PRKD2: variants seen among roughly 807,000 people sequenced by gnomAD.
PRKD2 encodes serine/threonine-protein kinase D2.
A neutral mutation model predicts 86.0 loss-of-function variants in PRKD2; 22 were observed. That is an observed-to-expected ratio of 0.26 (90% CI 0.18 to 0.37). PRKD2 has a LOEUF of 0.37. Ranked by LOEUF, PRKD2 falls within the 10% of genes least tolerant of loss-of-function variation. The pLI is 1.00. For synonymous variants in PRKD2, 509 were observed against 510.9 expected (o/e 1.00, Z 0.05); for missense variants, 818 against 1,199.2 (o/e 0.68, Z 4.70).
At position 46,716,589 on chromosome 19, in the gene PRKD2, C is replaced by T. The variant is rs1220562759; in HGVS notation, c.-219G>A. 1.7e-5 allele frequency: 7 copies of T among 405,624 alleles called. No individual in the cohort carries two copies. The highest frequency in any genetic ancestry group is 3.0e-5 in the Non-Finnish European group (7 of 229,542). 25.1% of individuals were successfully genotyped at this position (405,624 alleles called of 1,614,324 possible). On this transcript the variant is annotated 5_prime_UTR_variant, in exon 1 of 18. Transcript: ENST00000291281. This position sits in a 1 kb window ranked among gnomAD's most constrained non-coding sequence, Gnocchi z 7.9. ...GGTCAGAGGCCCGGAATCCAGGGCTCCCAGAAGATCAGAAAGGAGAAAAGT... is the reference window on the plus strand; with the variant it reads ...GGTCAGAGGCCCGGAATCCAGGGCTTCCAGAAGATCAGAAAGGAGAAAAGT...
In PRKD2 at chr19:46,716,018, C is replaced by T; in HGVS notation, c.240+113G>A. 6.9e-7 allele frequency: 1 copy of T among 1,454,904 alleles called. No homozygotes were observed. Among genetic ancestry groups the T allele is most frequent in the Non-Finnish European group, 9.1e-7 (1 of 1,098,178 alleles). The allele number at this position is 1,454,904 out of a possible 1,614,324, so 90.1% of individuals were successfully genotyped here. A position where few individuals can be genotyped will look rare whatever the true frequency, so the allele number is the denominator to read the frequency against. On this transcript the variant is annotated intron_variant, in intron 1 of 17. Transcript: ENST00000291281. This position sits in a 1 kb window ranked among gnomAD's most constrained non-coding sequence, Gnocchi z 7.9. ...CAATGCCCCCTATCCCTCCATCACC[C>T]AAAGCTCAGGTCTCCTTCCTCCCTC...
intron 9 of PRKD2, among the ~76,000 whole-genome samples, chr19:46,696,746 T>A (rs1272440471): frequency 6.6e-6 from 1 of 152,036 alleles, no homozygotes; most frequent in Non-Finnish European, 1.5e-5. Context: ...AGAGTGAGAC[T>A]CTGTCTCAAA....
rs1222612655 is a variant in PRKD2 at position 46,680,946 on chromosome 19, A to ATTT, written c.2070+701_2070+703dup. Among the ~76,000 whole-genome samples, 42 of 48,218 alleles carry ATTT rather than the reference A, an allele frequency of 8.7e-4. 1 individual carries two copies. Among genetic ancestry groups the ATTT allele is most frequent in the East Asian group, 7.1e-3 (16 of 2,240 alleles). 31.6% of individuals were successfully genotyped at this position (48,218 alleles called of 152,430 possible). ...AAACTATATATATATATATATATAT[A>ATTT]TTTTTTTTTTTTTTTTTGAGACAGA... is the stretch of plus-strand genomic sequence containing the variant. On this transcript the variant is annotated intron_variant, in intron 15 of 17. Coordinates refer to ENST00000291281, the MANE Select transcript of PRKD2 (RefSeq NM_016457.5).
intron 14 of PRKD2, 126 bp downstream of exon 14, chr19:46,689,411 T>C (rs999661293): frequency 2.4e-5 from 28 of 1,171,220 alleles, no homozygotes; most frequent in Non-Finnish European, 3.3e-5. Flanking sequence ...CCCAGCCTGA[T>C]GATGGTTTCT....
chr19:46,680,356 C>CAT (rs2053278625), intron 15 of PRKD2, among the ~76,000 whole-genome samples: 1 of 149,590 alleles, frequency 6.7e-6, no homozygotes, highest in Non-Finnish European at 1.5e-5. Flanking sequence ...GGTGTGATCT[C>CAT]GGCTCACCGC....
In PRKD2 at chr19:46,717,005, G is replaced by A. The variant is rs2122195920; in HGVS notation, c.-635C>T. 6.6e-6 allele frequency: 1 copy of A among 152,528 alleles called. No homozygotes were observed. The highest frequency in any genetic ancestry group is 6.6e-5 in the Admixed American group (1 of 15,254). The allele number at this position is 152,528 out of a possible 1,614,324, so 9.4% of individuals were successfully genotyped here. On this transcript the variant is annotated 5_prime_UTR_variant, in exon 1 of 18. Transcript: ENST00000291281. Reference sequence around the variant, plus strand: ...CGGGAGCCGTGAGGAAGGGGGCGTTGCCGGAGCGGGGTTGGGTGGGGGGCA... The same window carrying A: ...CGGGAGCCGTGAGGAAGGGGGCGTTACCGGAGCGGGGTTGGGTGGGGGGCA...
chr19:46,685,056 C>G (rs942587827), intron 14 of PRKD2, among the ~76,000 whole-genome samples: 4 of 151,480 alleles, frequency 2.6e-5, no homozygotes, highest in Non-Finnish European at 5.9e-5. Flanking sequence ...GTCAGAAGTT[C>G]AAGACTAGCC....
In PRKD2 at chr19:46,693,299, C is replaced by T. The variant is rs945831208; in HGVS notation, c.1576+576G>A. ...GCTGTCCTGGCCACCACTGGGTCCC[C>T]AGCACTGTCCCGCACAGAGGAGGCA... On this transcript the variant is annotated intron_variant, in intron 10 of 17. Coordinates refer to ENST00000291281, the MANE Select transcript of PRKD2 (RefSeq NM_016457.5). The surrounding 1 kb of genome is among the most constrained non-coding windows in gnomAD (Gnocchi z 4.5). 5.9e-5 allele frequency among the ~76,000 whole-genome samples: 9 copies of T among 152,198 alleles called. No individual in the cohort carries two copies. Among genetic ancestry groups the T allele is most frequent in the African/African-American group, 2.2e-4 (9 of 41,442 alleles).
At chr19:46,696,481 C>CGGGTG (rs1405783179) in intron 9 of PRKD2, among the ~76,000 whole-genome samples, 2 of 151,938 alleles carry the variant, frequency 1.3e-5, no homozygotes, top group African/African-American at 4.8e-5. Context: ...ATAGTGAGGC[C>CGGGTG]GGGTGCGGTG....
At position 46,681,645 on chromosome 19, in the gene PRKD2, C is replaced by G; in HGVS notation, c.2070+5G>C. The stretch of plus-strand genomic sequence containing the variant: ...TTCCCCAAATCAGGAGGGGACATAA[C>G]TGACCTGAGGAAATGGGTCTGCTGA... On this transcript the variant is annotated splice_donor_5th_base_variant and intron_variant, in intron 15 of 17. Coordinates refer to ENST00000291281, the MANE Select transcript of PRKD2 (RefSeq NM_016457.5). 7.3e-7 allele frequency: 1 copy of G among 1,363,802 alleles called. No individual in the cohort carries two copies. The highest frequency in any genetic ancestry group is 3.8e-5 in the East Asian group (1 of 26,506). 84.5% of individuals were successfully genotyped at this position (1,363,802 alleles called of 1,614,324 possible).
At chr19:46,692,084 T>A (rs947243545) in intron 10 of PRKD2, 99 bp from the exon 11 acceptor site, 21 of 1,184,772 alleles carry the variant, frequency 1.8e-5, no homozygotes, top group Non-Finnish European at 2.6e-5. Flanking sequence ...CCACCCAGAT[T>A]TGAATCCAAT....
At position 46,710,924 on chromosome 19, in the gene PRKD2, T is replaced by C. The variant is rs1409544522; in HGVS notation, c.494A>G (p.Gln165Arg). 1 of 1,392,836 alleles carries C rather than the reference T, an allele frequency of 7.2e-7. No individual in the cohort carries two copies. 86.3% of individuals were successfully genotyped at this position (1,392,836 alleles called of 1,614,324 possible). A position where few individuals can be genotyped will look rare whatever the true frequency, so the allele number is the denominator to read the frequency against. Residue 165 changes from glutamine (Q) to arginine (R), a missense_variant, in exon 3 of 18, where the codon CAG becomes CGG. Transcript: ENST00000291281. Reference sequence around the variant, plus strand: ...GCTCTCACCATCGCACTTGAGGCCCTGGCGCACTAGGCCGAAGAGCATCTC... The same window carrying C: ...GCTCTCACCATCGCACTTGAGGCCCCGGCGCACTAGGCCGAAGAGCATCTC... The part of the protein sequence containing the change: ...CGEMLFGLVR[Q>R]GLKCDGCGLN...
rs1017795110 is a variant in PRKD2, at chr19:46,697,835, G to T, written c.1137C>A (p.Ile379=). The change falls in exon 8 of 18, where the codon ATC becomes ATA. Residue 379 remains isoleucine (I), a synonymous_variant. Coordinates refer to ENST00000291281, the MANE Select transcript of PRKD2 (RefSeq NM_016457.5). ...GGKAQSSLGY[I]PLMRVVQSVR... The stretch of plus-strand genomic sequence containing the variant: ...CCGATTGCACCACCCTCATTAGGGG[G>T]ATGTACCCCAGGGAGCTGCGAAGGA... 6.2e-7 allele frequency: 1 copy of T among 1,613,656 alleles called. No individual in the cohort carries two copies. The highest frequency in any genetic ancestry group is 8.5e-7 in the Non-Finnish European group (1 of 1,179,736).
intron 9 of PRKD2, among the ~76,000 whole-genome samples, chr19:46,694,985 G>A (rs903274659): frequency 1.3e-5 from 2 of 148,518 alleles, no homozygotes; most frequent in Non-Finnish European, 3.0e-5. Flanking sequence ...GCAGATCGCT[G>A]GAGCCCAGGA....
chr19:46,713,974 A>T lies in PRKD2; in HGVS notation c.268T>A (p.Tyr90Asn). The T allele has an allele frequency of 6.2e-7, 1 of 1,613,646 alleles. No homozygotes were observed. Among genetic ancestry groups the T allele is most frequent in the Non-Finnish European group, 8.5e-7 (1 of 1,179,878 alleles). The change falls in exon 2 of 18, where the codon TAC (tyrosine) becomes AAC (asparagine). Residue 90 changes from tyrosine to asparagine, a missense_variant. Physicochemically the swap from Tyr to Asn is moderately radical, Grantham distance 143. Transcript: ENST00000291281. Reference protein sequence around the residue: ...KFPECGFYGLYDKILLFKHDP... With the variant: ...KFPECGFYGLNDKILLFKHDP... ...TGTTTGAAAAGCAGGATCTTGTCGT[A>T]AAGGCCGTAGAAGCCACACTCAGGG...
At chr19:46,710,796 G>T in intron 3 of PRKD2, 111 bp downstream of exon 3, 1 of 1,211,080 alleles carries the variant, frequency 8.3e-7, no homozygotes, top group Non-Finnish European at 1.1e-6. Context: ...TGCGCCCCCA[G>T]CTCTGAGACC....
At position 46,693,673 on chromosome 19, in the gene PRKD2, A is replaced by T. The variant is rs2053513938; in HGVS notation, c.1576+202T>A. Among the ~76,000 whole-genome samples, 1 of 152,166 alleles carries T rather than the reference A, an allele frequency of 6.6e-6. No individual in the cohort carries two copies. Among genetic ancestry groups the T allele is most frequent in the Admixed American group, 6.5e-5 (1 of 15,270 alleles). ...GGCTGGTCTTGAACTCCTGGCCTCA[A>T]GTGATCCTCCCTCCTTGGCTTCCCA... On this transcript the variant is annotated intron_variant, in intron 10 of 17. Coordinates refer to ENST00000291281, the MANE Select transcript of PRKD2 (RefSeq NM_016457.5). This position sits in a 1 kb window ranked among gnomAD's most constrained non-coding sequence, Gnocchi z 4.5.
In PRKD2 at chr19:46,689,830, G is replaced by A. The variant is rs1464689917; in HGVS notation, c.1810-132C>T. ...GGGGTATTGGCACTTGGAGAGGGAAGGGGGCTTCCCACAGGCCAAGACAGA... is the reference window on the plus strand; with the variant it reads ...GGGGTATTGGCACTTGGAGAGGGAAAGGGGCTTCCCACAGGCCAAGACAGA... On this transcript the variant is annotated intron_variant, in intron 13 of 17. Coordinates refer to ENST00000291281, the MANE Select transcript of PRKD2 (RefSeq NM_016457.5). The A allele has an allele frequency of 3.8e-6, 4 of 1,062,348 alleles. No homozygotes were observed. The African/African-American group carries it at 4.7e-5, about 12-fold the overall frequency. 65.8% of individuals were successfully genotyped at this position (1,062,348 alleles called of 1,614,324 possible).
rs537624653 is a variant in PRKD2, at chr19:46,709,312, TC to T, written c.511+1594del. On this transcript the variant is annotated intron_variant, in intron 3 of 17. Coordinates refer to ENST00000291281, the MANE Select transcript of PRKD2 (RefSeq NM_016457.5). ...CTTTTCACCTTCTCAACCCAGCTTT[TC>T]CCCGACTCCAGGAAGAACTGGGAAG... 1,088 of 170,316 alleles carry T rather than the reference TC, an allele frequency of 6.4e-3. 9 individuals are homozygous for T. Among genetic ancestry groups the T allele is most frequent in the African/African-American group, 0.025 (1,048 of 41,692 alleles). The allele number at this position is 170,316 out of a possible 1,614,324, so 10.6% of individuals were successfully genotyped here. A position where few individuals can be genotyped will look rare whatever the true frequency, so the allele number is the denominator to read the frequency against.
Sources: allele counts gnomAD v4.1 joint callset (sites outside exome capture counted in the v4.1 genomes callset), GRCh38; gene constraint gnomAD v4.1.1; non-coding constraint Gnocchi (gnomAD v3.1); transcripts MANE v1.5; gene names NCBI Gene and HGNC (gene_info 2026-07-23, HGNC 2026-07-21).